Variants in DST observed in about 807,000 individuals in gnomAD.
The protein encoded by DST is dystonin.
DST carries 253 observed loss-of-function variants against 875.2 expected under a neutral mutation model. The ratio of observed to expected loss-of-function variants is 0.29; its 90% CI spans 0.26 to 0.32. The LOEUF (loss-of-function observed/expected upper bound fraction) is 0.32, where lower values mean the gene tolerates loss of function less well. Ranked by LOEUF, DST falls within the 10% of genes least tolerant of loss-of-function variation. The pLI, the probability that DST is intolerant of heterozygous loss-of-function variation, is 1.00. For missense variants in DST, 8,287 were observed against 9,111.6 expected (o/e 0.91, Z 3.68); for synonymous variants, 3,124 against 3,197.1 (o/e 0.98, Z 0.77).
In DST at chr6:56,571,640, T is replaced by C. The variant is rs2097783610; in HGVS notation, c.13721+460A>G. 2.0e-5 allele frequency among the ~76,000 whole-genome samples: 3 copies of C among 152,232 alleles called. No individual in the cohort carries two copies. In the South Asian group the frequency reaches 6.2e-4, roughly 31 times the overall value. Reference sequence around the variant, plus strand: ...CTAATAGTGTTTTTTCACAGGTTCATATCTCATCTACTGCTCTTTAAAAAG... The same window carrying C: ...CTAATAGTGTTTTTTCACAGGTTCACATCTCATCTACTGCTCTTTAAAAAG... On this transcript the variant is annotated intron_variant, in intron 53 of 103. Transcript: ENST00000680361.
chr6:56,639,076 T>C (rs537995601), intron 22 of DST, 183 bp downstream of exon 22: 1 of 631,506 alleles, frequency 1.6e-6, no homozygotes, highest in South Asian at 1.9e-5. Flanking sequence ...TTCTAAGTGA[T>C]GGGTGACATA....
At position 56,553,125 on chromosome 6, in the gene DST, C is replaced by G; in HGVS notation, c.15667G>C (p.Glu5223Gln). The G allele has an allele frequency of 1.2e-6, 2 of 1,613,990 alleles. No homozygotes were observed. Among genetic ancestry groups the G allele is most frequent in the South Asian group, 2.2e-5 (2 of 91,082 alleles). ...KEMDQHFGMV[E>Q]LLNNTANSLL... ...CTATTGGCTGTGTTGTTCAGTAATT[C>G]TACCATACCAAAGTGTTGGTCCATT... The change falls in exon 61 of 104, where the codon GAA becomes CAA. Residue 5223 changes from glutamate to glutamine, a missense_variant. Coordinates refer to ENST00000680361, the MANE Select transcript of DST (RefSeq NM_001374736.1).
Position 56,532,414 on chromosome 6 carries a change from C to T in DST, c.17038G>A (p.Val5680Met). ...IATTAEPADK[V>M]KILKQLSLLD... ...AGACTGAGCTGTTTCAAAATCTTCA[C>T]TTTATCTGCGGGCTCTGCTGTTGTA... The change falls in exon 64 of 104, where the codon GTG becomes ATG. Residue 5680 changes from valine to methionine, a missense_variant. Around this residue, in one of 10 missense-constraint regions of DST, gnomAD observed 777 missense variants for 764.8 expected, o/e 1.02. Transcript: ENST00000680361. 1 of 1,613,644 alleles carries T rather than the reference C, an allele frequency of 6.2e-7. No individual in the cohort carries two copies. Among genetic ancestry groups the T allele is most frequent in the South Asian group, 1.1e-5 (1 of 91,012 alleles).
intron 5 of DST, among the ~76,000 whole-genome samples, chr6:56,721,002 G>A (rs1416291177): frequency 6.8e-6 from 1 of 147,714 alleles, no homozygotes; most frequent in Non-Finnish European, 1.5e-5. Flanking sequence ...TCCAGACGGG[G>A]CGGCTGCCGG....
chr6:56,564,191 A>G (rs1292801213), intron 55 of DST, among the ~76,000 whole-genome samples: 6 of 152,220 alleles, frequency 3.9e-5, no homozygotes, highest in African/African-American at 1.4e-4. Flanking sequence ...CACGATATTG[A>G]TTCTTCCTAC....
rs1215079388 is a variant in DST, at chr6:56,603,257, T to G, written c.11105A>C (p.Asn3702Thr). 2 of 1,608,800 alleles carry G rather than the reference T, an allele frequency of 1.2e-6. No homozygotes were observed. The highest frequency in any genetic ancestry group is 1.7e-6 in the Non-Finnish European group (2 of 1,177,796). Residue 3702 changes from asparagine (N) to threonine (T), a missense_variant, in exon 42 of 104, where the codon AAC (asparagine) becomes ACC (threonine). Physicochemically the swap from Asn to Thr is moderately conservative, Grantham distance 65. This residue lies in a region of DST where 3,138 missense variants were observed against 3,116.6 expected (regional missense o/e 1.01). Coordinates refer to ENST00000680361, the MANE Select transcript of DST (RefSeq NM_001374736.1). ...SLKTAFSSLS[N>T]VSSERTKQIM... ...CTGTTTCGTTCTTTCTGAAGACACG[T>G]TGCTGAGGGAAGAGAAGGCGGTCTT...
intron 9 of DST, among the ~76,000 whole-genome samples, chr6:56,686,145 T>C (rs772983209): frequency 1.3e-5 from 2 of 152,190 alleles, no homozygotes; most frequent in South Asian, 4.1e-4. Flanking sequence ...TCATGTCCTT[T>C]GCAAAAACAC....
At chr6:56,944,754 C>A (rs553636043) in intron 2 of DST, among the ~76,000 whole-genome samples, 206 of 152,310 alleles carry the variant, frequency 1.4e-3, no homozygotes, top group Non-Finnish European at 2.0e-3. Flanking sequence ...TTCCCCAACT[C>A]TTTCTCCCTT....
chr6:56,711,781 T>G (rs988548063), intron 5 of DST, among the ~76,000 whole-genome samples: 36 of 152,236 alleles, frequency 2.4e-4, no homozygotes, highest in Admixed American at 9.8e-4. Context: ...TAAATATTAT[T>G]GTGCAATCTT....
At chr6:56,940,525 T>C (rs1396323361) in intron 2 of DST, among the ~76,000 whole-genome samples, 1 of 152,132 alleles carries the variant, frequency 6.6e-6, no homozygotes, top group Non-Finnish European at 1.5e-5. Context: ...TAATCTAATT[T>C]GTCACTTCTG....
intron 5 of DST, among the ~76,000 whole-genome samples, chr6:56,722,431 T>C (rs1413860555): frequency 6.6e-6 from 1 of 152,208 alleles, no homozygotes; most frequent in Non-Finnish European, 1.5e-5. Context: ...TCACCCAGGC[T>C]GGAGTGCAGT....
At chr6:56,611,653 T>A in intron 37 of DST, 57 bp from the exon 38 acceptor site, 1 of 1,244,972 alleles carries the variant, frequency 8.0e-7, no homozygotes, top group Non-Finnish European at 1.1e-6. Context: ...AAACAGTATT[T>A]TTTTTAAAAA....
chr6:56,761,972 CA>C (rs1376855671), intron 4 of DST, among the ~76,000 whole-genome samples: 1 of 152,104 alleles, frequency 6.6e-6, no homozygotes, highest in Non-Finnish European at 1.5e-5. Flanking sequence ...ATTAGTTAAC[CA>C]ATCTTCTGCC....
At chr6:56,719,190 AAGAC>A (rs2099405489) in intron 5 of DST, among the ~76,000 whole-genome samples, 3 of 152,248 alleles carry the variant, frequency 2.0e-5, no homozygotes, top group Admixed American at 1.3e-4. Context: ...CCCAGAATGT[AAGAC>A]AGAATGTTAG....
At chr6:56,497,322 T>C (rs2095951003) in intron 82 of DST, 57 bp downstream of exon 82, 3 of 1,584,494 alleles carry the variant, frequency 1.9e-6, no homozygotes, top group Non-Finnish European at 2.6e-6. Flanking sequence ...CCAGGGCCCA[T>C]ATAACATGGT....
intron 9 of DST, among the ~76,000 whole-genome samples, chr6:56,685,229 T>A (rs1305575116): frequency 6.6e-6 from 1 of 152,124 alleles, no homozygotes; most frequent in Non-Finnish European, 1.5e-5. Flanking sequence ...GAATAAATAT[T>A]TGCAGACTAT....
intron 5 of DST, among the ~76,000 whole-genome samples, chr6:56,732,015 C>CT (rs919604113): frequency 3.9e-5 from 6 of 152,046 alleles, no homozygotes; most frequent in East Asian, 1.9e-4. Flanking sequence ...TTAGAGATTG[C>CT]TTTTTTCTGG....
intron 2 of DST, among the ~76,000 whole-genome samples, chr6:56,941,463 G>C (rs376532447): frequency 1.3e-5 from 2 of 151,966 alleles, no homozygotes; most frequent in Non-Finnish European, 2.9e-5. Context: ...AGTCATGTAA[G>C]TATGGTGTTT....
At chr6:56,460,039 T>C in intron 103 of DST, 92 bp downstream of exon 103, 1 of 1,440,228 alleles carries the variant, frequency 6.9e-7, no homozygotes. Flanking sequence ...GGTCAATTTG[T>C]AATTTCTTCC....
Sources: gnomAD v4.1 joint callset for allele counts (sites outside exome capture counted in the v4.1 genomes callset) on GRCh38, gnomAD v4.1.1 for gene constraint, gnomAD v4.1.1 regional missense constraint, MANE v1.5 for transcripts, NCBI Gene and HGNC (gene_info 2026-07-23, HGNC 2026-07-21) for gene names.